Variants in KCTD8 observed in about 807,000 individuals in gnomAD.
KCTD8 encodes potassium channel tetramerization domain containing 8, also known as BTB/POZ domain-containing protein KCTD8.
Under a neutral mutation model 31.5 loss-of-function variants are expected in KCTD8, and 27 were observed. The observed-to-expected ratio is 0.86, with a 90% CI of 0.63 to 1.18. KCTD8 has a LOEUF of 1.18. KCTD8 is among the 50% of genes most tolerant of loss of function. The pLI is 0.00. For missense variants in KCTD8, 658 were observed against 647.7 expected, an observed-to-expected ratio of 1.02 and a Z score of -0.17; for synonymous variants, 290 against 280.0, an observed-to-expected ratio of 1.04 and a Z score of -0.36.
chr4:44,305,436 T>A (rs983498205), intron 1 of KCTD8, among the ~76,000 whole-genome samples: 1 of 151,742 alleles, frequency 6.6e-6, no homozygotes, highest in Non-Finnish European at 1.5e-5. Context: ...AAGATGCAGC[T>A]ATATTTATAT....
chr4:44,208,270 T>C (rs1714376437), intron 1 of KCTD8, among the ~76,000 whole-genome samples: 1 of 152,192 alleles, frequency 6.6e-6, no homozygotes, highest in African/African-American at 2.4e-5. Context: ...AAAACAGTTT[T>C]ACTGAGTCAA....
intron 1 of KCTD8, among the ~76,000 whole-genome samples, chr4:44,247,390 G>A (rs1715696768): frequency 6.6e-6 from 1 of 151,666 alleles, no homozygotes; most frequent in Admixed American, 6.6e-5. Flanking sequence ...CACTGTTTTT[G>A]CCACTGTTCA....
At chr4:44,225,815 C>CTTTTTTTTTTTTT in intron 1 of KCTD8, among the ~76,000 whole-genome samples, 1 of 74,450 alleles carries the variant, frequency 1.3e-5, no homozygotes, top group Non-Finnish European at 2.5e-5. Flanking sequence ...GGTTTTGTCT[C>CTTTTTTTTTTTTT]TTTTTTTTTT....
rs150151258 is a variant in KCTD8 at position 44,231,053 on chromosome 4, C to G, written c.962-55803G>C. 7.0e-3 allele frequency among the ~76,000 whole-genome samples: 1,067 copies of G among 152,262 alleles called. 18 individuals carry two copies. Among genetic ancestry groups the G allele is most frequent in the African/African-American group, 0.024 (1,002 of 41,544 alleles). ...GTTTGTTTAGTGTTCCTCCACTGGG[C>G]AGCAGAGATGCTAAGTGGTAATGAC... On this transcript the variant is annotated intron_variant, in intron 1 of 1. Transcript: ENST00000360029.
intron 1 of KCTD8, among the ~76,000 whole-genome samples, chr4:44,229,847 C>T (rs181856829): frequency 4.7e-4 from 71 of 151,686 alleles, no homozygotes; most frequent in Non-Finnish European, 6.3e-4. Flanking sequence ...TTTTATTATA[C>T]TTTAATTTCT....
At chr4:44,217,489 G>C (rs1193792504) in intron 1 of KCTD8, among the ~76,000 whole-genome samples, 1 of 152,128 alleles carries the variant, frequency 6.6e-6, no homozygotes, top group Non-Finnish European at 1.5e-5. Context: ...AAAAATATTA[G>C]GTGTCAACTT....
intron 1 of KCTD8, among the ~76,000 whole-genome samples, chr4:44,275,187 A>C (rs553387473): frequency 1.4e-4 from 22 of 152,108 alleles, no homozygotes; most frequent in South Asian, 4.1e-4. Context: ...ATGTAAGTGC[A>C]CATGTGACTA....
At chr4:44,315,526 T>C (rs1253791185) in intron 1 of KCTD8, among the ~76,000 whole-genome samples, 1 of 152,142 alleles carries the variant, frequency 6.6e-6, no homozygotes, top group African/African-American at 2.4e-5. Context: ...TCCCATCTTC[T>C]GGATAAGATT....
chr4:44,223,694 T>C (rs529467357), intron 1 of KCTD8, among the ~76,000 whole-genome samples: 32 of 152,330 alleles, frequency 2.1e-4, no homozygotes, highest in African/African-American at 7.5e-4. Context: ...TGGCAATTTA[T>C]ATTTGATTGA....
chr4:44,266,296 CT>C, intron 1 of KCTD8, among the ~76,000 whole-genome samples: 1 of 151,668 alleles, frequency 6.6e-6, no homozygotes, highest in South Asian at 2.1e-4. Flanking sequence ...CCAAACTAAG[CT>C]TCATAAGTGA....
At chr4:44,333,681 T>C (rs1031925574) in intron 1 of KCTD8, among the ~76,000 whole-genome samples, 8 of 152,030 alleles carry the variant, frequency 5.3e-5, no homozygotes, top group Non-Finnish European at 1.2e-4. Context: ...AAAGTAAAAA[T>C]AAGATGACCT....
chr4:44,393,645 A>G (rs1720424889), intron 1 of KCTD8, among the ~76,000 whole-genome samples: 1 of 151,766 alleles, frequency 6.6e-6, no homozygotes, highest in South Asian at 2.1e-4. Flanking sequence ...TGTATTTACA[A>G]TGGAGTTTAT....
At chr4:44,222,533 T>G (rs1282028077) in intron 1 of KCTD8, among the ~76,000 whole-genome samples, 1 of 152,198 alleles carries the variant, frequency 6.6e-6, no homozygotes, top group African/African-American at 2.4e-5. Flanking sequence ...GATGCTGTCA[T>G]ACTGCAAAAT....
chr4:44,383,867 CAACA>C (rs1490184138), intron 1 of KCTD8, among the ~76,000 whole-genome samples: 17 of 151,910 alleles, frequency 1.1e-4, no homozygotes, highest in African/African-American at 3.6e-4. Flanking sequence ...AGGAAACAAC[CAACA>C]GAGTGAAGAT....
Position 44,302,060 on chromosome 4 carries a change from T to C in KCTD8, c.962-126810A>G, listed in dbSNP as rs200358256. Among the ~76,000 whole-genome samples the C allele has an allele frequency of 5.9e-4, 89 of 152,094 alleles. No homozygotes were observed. The East Asian group carries it at 0.014, about 24-fold the overall frequency. ...TGGCGTTATTTCTGAGGGCTCTGTT[T>C]TGTTCCATTGATCTATATCTCTGTT... On this transcript the variant is annotated intron_variant, in intron 1 of 1. Transcript: ENST00000360029.
At chr4:44,325,426 T>A (rs1431495677) in intron 1 of KCTD8, among the ~76,000 whole-genome samples, 1 of 151,956 alleles carries the variant, frequency 6.6e-6, no homozygotes, top group East Asian at 1.9e-4. Context: ...GAGCCTATTT[T>A]ATTTAACAAC....
At chr4:44,420,631 A>G (rs868524958) in intron 1 of KCTD8, among the ~76,000 whole-genome samples, 8 of 152,270 alleles carry the variant, frequency 5.3e-5, no homozygotes, top group Middle Eastern at 6.8e-3. Flanking sequence ...CTGGCAAGAG[A>G]GAGTGACGTC....
At chr4:44,301,389 A>AC (rs1241427960) in intron 1 of KCTD8, among the ~76,000 whole-genome samples, 1 of 152,068 alleles carries the variant, frequency 6.6e-6, no homozygotes, top group Non-Finnish European at 1.5e-5. Context: ...TTGTTTCCTG[A>AC]CTTTTTAATG....
chr4:44,360,625 G>T (rs1034251039), intron 1 of KCTD8, among the ~76,000 whole-genome samples: 1 of 151,960 alleles, frequency 6.6e-6, no homozygotes, highest in Admixed American at 6.6e-5. Context: ...AAAACAGAAT[G>T]AAAAGGCAAT....
Sources: allele counts gnomAD v4.1 joint callset (sites outside exome capture counted in the v4.1 genomes callset), GRCh38; gene constraint gnomAD v4.1.1; transcripts MANE v1.5; gene names NCBI Gene and HGNC (gene_info 2026-07-23, HGNC 2026-07-21).